NCKAP5: variants seen among roughly 807,000 people sequenced by gnomAD.
NCKAP5 encodes the protein NCK associated protein 5, also known as nck-associated protein 5.
A neutral mutation model predicts 167.0 loss-of-function variants in NCKAP5; 92 were observed. The observed-to-expected ratio is 0.55, with a 90% CI of 0.47 to 0.66. The LOEUF is 0.66. NCKAP5 is among the 30% of genes least tolerant of loss of function. The pLI is 0.00. For missense variants in NCKAP5, 2,378 were observed against 2,315.0 expected (o/e 1.03, Z -0.56); for synonymous variants, 891 against 877.4 (o/e 1.02, Z -0.27).
chr2:132,974,445 A>T (rs1049088758), intron 7 of NCKAP5, among the ~76,000 whole-genome samples: 2 of 152,240 alleles, frequency 1.3e-5, no homozygotes, highest in African/African-American at 4.8e-5. Flanking sequence ...GAGTTCAGAC[A>T]TACAATTTTA....
chr2:133,154,780 T>G (rs764750102), intron 5 of NCKAP5, among the ~76,000 whole-genome samples: 1 of 152,222 alleles, frequency 6.6e-6, no homozygotes, highest in South Asian at 2.1e-4. Flanking sequence ...CAGACATGCA[T>G]ACATCAGAGG....
intron 8 of NCKAP5, among the ~76,000 whole-genome samples, chr2:132,955,516 T>A (rs1019410201): frequency 1.3e-5 from 2 of 152,194 alleles, no homozygotes; most frequent in African/African-American, 4.8e-5. Context: ...CATAGTATTC[T>A]ATGGTGTATA....
chr2:133,411,745 A>C (rs916805763), intron 3 of NCKAP5, among the ~76,000 whole-genome samples: 3 of 152,316 alleles, frequency 2.0e-5, no homozygotes, highest in African/African-American at 7.2e-5. Flanking sequence ...AGGGTGGCAT[A>C]AGCCCAACAA....
chr2:133,044,755 C>T (rs1420154662), intron 6 of NCKAP5, among the ~76,000 whole-genome samples: 6 of 152,158 alleles, frequency 3.9e-5, no homozygotes, highest in East Asian at 1.9e-4. Flanking sequence ...CTTACACATG[C>T]GCTTAAGGAG....
At chr2:133,617,885 A>G in the NCKAP5 span, among the ~76,000 whole-genome samples, 121 of 151,698 alleles carry the variant, frequency 8.0e-4, no homozygotes, top group African/African-American at 2.9e-3. Flanking sequence ...GAGGCATCAC[A>G]CTACCTGACT....
chr2:133,137,533 C>A (rs1192297108), intron 5 of NCKAP5, among the ~76,000 whole-genome samples: 3 of 151,130 alleles, frequency 2.0e-5, no homozygotes, highest in African/African-American at 7.3e-5. Flanking sequence ...ATTTCAAGGG[C>A]AAGTAAGACA....
intron 3 of NCKAP5, among the ~76,000 whole-genome samples, chr2:133,319,613 A>G (rs933710650): frequency 3.9e-5 from 6 of 152,184 alleles, no homozygotes; most frequent in African/African-American, 1.4e-4. Flanking sequence ...TTTAAAATAT[A>G]CATATTTGGG....
At chr2:133,450,739 G>A (rs561812479) in intron 3 of NCKAP5, among the ~76,000 whole-genome samples, 17 of 152,224 alleles carry the variant, frequency 1.1e-4, no homozygotes, top group African/African-American at 2.9e-4. Flanking sequence ...AAAGAGGCAC[G>A]TACTATGCCA....
chr2:132,721,711 C>T (rs147176129), intron 19 of NCKAP5, among the ~76,000 whole-genome samples: 1 of 152,262 alleles, frequency 6.6e-6, no homozygotes, highest in Non-Finnish European at 1.5e-5. Context: ...CCAGCACACA[C>T]CCACAGCCAT....
At chr2:132,721,995 G>T (rs973597832) in intron 19 of NCKAP5, among the ~76,000 whole-genome samples, 2 of 152,222 alleles carry the variant, frequency 1.3e-5, no homozygotes, top group Non-Finnish European at 2.9e-5. Flanking sequence ...AATAGGATGA[G>T]CAAAGTGAGT....
At chr2:132,881,846 A>G (rs1242990163) in intron 8 of NCKAP5, among the ~76,000 whole-genome samples, 22 of 152,184 alleles carry the variant, frequency 1.4e-4, no homozygotes, top group Non-Finnish European at 2.9e-5. Context: ...CTTTGAGGCT[A>G]TGAAAATATC....
intron 3 of NCKAP5, among the ~76,000 whole-genome samples, chr2:133,378,700 GT>G (rs1206043922): frequency 2.6e-5 from 4 of 152,178 alleles, no homozygotes; most frequent in African/African-American, 4.8e-5. Flanking sequence ...ACCTTCCTCC[GT>G]TCTGTCTCAC....
intron 6 of NCKAP5, among the ~76,000 whole-genome samples, chr2:133,063,494 C>A (rs1032691841): frequency 6.6e-6 from 1 of 152,144 alleles, no homozygotes; most frequent in Non-Finnish European, 1.5e-5. Flanking sequence ...GATCATAAAT[C>A]AAGGTGAAGC....
rs569477176 is a variant in NCKAP5 at position 133,333,868 on chromosome 2, G to A, written c.70-30758C>T. The A allele has an allele frequency of 2.6e-5, 4 of 152,328 alleles. No homozygotes were observed. In the East Asian group the frequency reaches 7.7e-4, roughly 29 times the overall value. 9.4% of individuals were successfully genotyped at this position (152,328 alleles called of 1,614,324 possible). ...CAACAGTACAAACTGGAATGCTACA[G>A]AGAAGATTCGGATGGCCCTGTGCAA... is the stretch of plus-strand genomic sequence containing the variant. On this transcript the variant is annotated intron_variant, in intron 3 of 19. Coordinates refer to ENST00000409261, the MANE Select transcript of NCKAP5 (RefSeq NM_207363.3).
At chr2:133,427,497 A>G (rs1689888185) in intron 3 of NCKAP5, among the ~76,000 whole-genome samples, 1 of 152,202 alleles carries the variant, frequency 6.6e-6, no homozygotes, top group African/African-American at 2.4e-5. Flanking sequence ...TTGTCCCAGA[A>G]AAGAGCAAAA....
intron 8 of NCKAP5, chr2:132,954,647 C>G: frequency 2.2e-6 from 1 of 454,540 alleles, no homozygotes; most frequent in South Asian, 1.6e-5. Flanking sequence ...TGTGGAGAAA[C>G]AGGCTACTTA....
the NCKAP5 span, among the ~76,000 whole-genome samples, chr2:133,672,731 T>C: frequency 6.6e-6 from 1 of 151,644 alleles, no homozygotes; most frequent in South Asian, 2.1e-4. Flanking sequence ...TAAAACTTTA[T>C]TTACAAAAAA....
chr2:133,538,521 T>A (rs1224104833), intron 2 of NCKAP5, among the ~76,000 whole-genome samples: 1 of 151,912 alleles, frequency 6.6e-6, no homozygotes, highest in African/African-American at 2.4e-5. Flanking sequence ...TTCCCTGGCA[T>A]ATATGAACAA....
chr2:133,584,560 T>C, the NCKAP5 span, among the ~76,000 whole-genome samples: 2 of 152,022 alleles, frequency 1.3e-5, no homozygotes, highest in Admixed American at 1.3e-4. Context: ...AGGTCAGTAG[T>C]TTGAGACCAG....
Sources: allele counts gnomAD v4.1 joint callset (sites outside exome capture counted in the v4.1 genomes callset), GRCh38; gene constraint gnomAD v4.1.1; transcripts MANE v1.5; gene names NCBI Gene and HGNC (gene_info 2026-07-23, HGNC 2026-07-21).